TYW1B: variants seen among roughly 807,000 people sequenced by gnomAD.
The protein encoded by TYW1B is S-adenosyl-L-methionine-dependent tRNA 4-demethylwyosine synthase TYW1B.
In TYW1B, 73 loss-of-function variants were observed where a neutral mutation model predicts 86.9. That is an observed-to-expected ratio of 0.84 (90% CI 0.70 to 1.02). The LOEUF is 1.02. Among genes scored for constraint, TYW1B ranks in the 50% least tolerant of loss-of-function variants. The pLI is 0.00. For missense variants in TYW1B, 637 were observed against 827.4 expected (o/e 0.77, Z 2.82); for synonymous variants, 248 against 292.8 (o/e 0.85, Z 1.56).
At position 72,683,396 on chromosome 7, in the gene TYW1B, C is replaced by G. The variant is rs577797675; in HGVS notation, c.1506+11291G>C. 9.2e-5 allele frequency among the ~76,000 whole-genome samples: 14 copies of G among 152,200 alleles called. No homozygotes were observed. In the East Asian group the frequency reaches 2.7e-3, roughly 29 times the overall value. ...ACTAGCCTGCCCAACATGGTAAAAC[C>G]CCGTCTCTAGTAAAAATACAAAAAT... On this transcript the variant is annotated intron_variant, in intron 11 of 13. Coordinates refer to ENST00000620995, the MANE Select transcript of TYW1B (RefSeq NM_001145440.3).
intron 11 of TYW1B, among the ~76,000 whole-genome samples, chr7:72,675,380 CAG>C (rs1369651108): frequency 3.3e-5 from 5 of 151,802 alleles, no homozygotes; most frequent in Non-Finnish European, 7.4e-5. Flanking sequence ...GTCTGGGCAA[CAG>C]AGTGAAATTC....
At position 72,599,863 on chromosome 7, in the gene TYW1B, TA is replaced by T. The variant is rs555729987; in HGVS notation, c.1785+16808del. On this transcript the variant is annotated intron_variant, in intron 13 of 13. Coordinates refer to ENST00000620995, the MANE Select transcript of TYW1B (RefSeq NM_001145440.3). ...ATATATGTAGAAAACAAAGTCTGATTAAAAAAAAATCAGGCATATTTCAGTA... is the reference window on the plus strand; with the variant it reads ...ATATATGTAGAAAACAAAGTCTGATTAAAAAAAATCAGGCATATTTCAGTA... Among the ~76,000 whole-genome samples the T allele has an allele frequency of 5.9e-3, 897 of 151,608 alleles. 11 individuals carry two copies. Among genetic ancestry groups the T allele is most frequent in the African/African-American group, 0.02 (842 of 41,394 alleles).
rs1318635585 is a variant in TYW1B, at chr7:72,574,990, G to C, written c.*508C>G. ...AATAATTGAGAGTTGTGACAACTTC[G>C]ATTCTTTTCAGGAGGTGCTGTCTTA... On this transcript the variant is annotated 3_prime_UTR_variant, in exon 14 of 14. Transcript: ENST00000620995. 1 of 987,722 alleles carries C rather than the reference G, an allele frequency of 1.0e-6. No individual in the cohort carries two copies. The highest frequency in any genetic ancestry group is 1.2e-6 in the Non-Finnish European group (1 of 831,492). The allele number at this position is 987,722 out of a possible 1,614,324, so 61.2% of individuals were successfully genotyped here. A position where few individuals can be genotyped will look rare whatever the true frequency, so the allele number is the denominator to read the frequency against.
chr7:72,610,266 C>T (rs1554435682), intron 13 of TYW1B, among the ~76,000 whole-genome samples: 3 of 152,202 alleles, frequency 2.0e-5, no homozygotes, highest in Non-Finnish European at 1.5e-5. Context: ...ATCTGTCTCA[C>T]TCTGGGCATT....
intron 8 of TYW1B, among the ~76,000 whole-genome samples, chr7:72,730,035 C>T (rs1237047526): frequency 1.3e-5 from 2 of 152,122 alleles, no homozygotes; most frequent in African/African-American, 2.4e-5. Flanking sequence ...GAGGACAAGT[C>T]AAAGCACCCC....
At chr7:72,766,549 G>C (rs1787772593) in intron 7 of TYW1B, among the ~76,000 whole-genome samples, 1 of 147,188 alleles carries the variant, frequency 6.8e-6, no homozygotes, top group African/African-American at 2.5e-5. Context: ...AGAAGGCAGA[G>C]GTTGCCGTGA....
At chr7:72,656,657 GAAGAA>G (rs1284004616) in intron 11 of TYW1B, among the ~76,000 whole-genome samples, 5 of 152,050 alleles carry the variant, frequency 3.3e-5, no homozygotes, top group African/African-American at 9.7e-5. Flanking sequence ...GGTAATTTAT[GAAGAA>G]AAGAGGTTTA....
chr7:72,702,986 C>CTA (rs371144509), intron 10 of TYW1B, among the ~76,000 whole-genome samples: 142 of 36,258 alleles, frequency 3.9e-3, no homozygotes, highest in South Asian at 0.011. Context: ...ATCTATCTAT[C>CTA]TATATATATA....
At chr7:72,705,094 T>G (rs1585916704) in intron 10 of TYW1B, among the ~76,000 whole-genome samples, 1 of 152,190 alleles carries the variant, frequency 6.6e-6, no homozygotes, top group African/African-American at 2.4e-5. Context: ...TCAGGCAGTA[T>G]TTACCTCTAT....
intron 11 of TYW1B, among the ~76,000 whole-genome samples, chr7:72,680,142 A>C (rs1202394831): frequency 2.6e-5 from 4 of 152,166 alleles, no homozygotes; most frequent in African/African-American, 7.2e-5. Flanking sequence ...GTTAACACTG[A>C]GTGTCAACTT....
chr7:72,630,036 T>TG (rs1447445061), intron 11 of TYW1B, among the ~76,000 whole-genome samples: 2 of 152,108 alleles, frequency 1.3e-5, no homozygotes, highest in African/African-American at 4.8e-5. Flanking sequence ...CCCAGCACTT[T>TG]GGGAGGCCGA....
intron 10 of TYW1B, among the ~76,000 whole-genome samples, chr7:72,701,065 GAAA>G (rs1172098261): frequency 7.4e-6 from 1 of 135,444 alleles, no homozygotes. Flanking sequence ...TTCCATCTCA[GAAA>G]AAAAAAAAAA....
chr7:72,667,047 A>AAAAAAAAAT, intron 11 of TYW1B, among the ~76,000 whole-genome samples: 1 of 149,632 alleles, frequency 6.7e-6, no homozygotes, highest in Non-Finnish European at 1.5e-5. Context: ...AAAAAAAAAA[A>AAAAAAAAAT]AAAAGAAACT....
intron 10 of TYW1B, among the ~76,000 whole-genome samples, chr7:72,701,869 G>A (rs1554452637): frequency 6.6e-6 from 1 of 152,146 alleles, no homozygotes; most frequent in East Asian, 1.9e-4. Context: ...CTGTGTTTTT[G>A]TTAGGGAATG....
chr7:72,760,160 T>A (rs992469866), intron 7 of TYW1B, among the ~76,000 whole-genome samples: 2 of 152,246 alleles, frequency 1.3e-5, no homozygotes, highest in Admixed American at 1.3e-4. Context: ...AATCCAAGGC[T>A]ACCTGGAGAT....
chr7:72,640,355 G>C (rs1402372130), intron 11 of TYW1B, among the ~76,000 whole-genome samples: 1 of 152,042 alleles, frequency 6.6e-6, no homozygotes, highest in Non-Finnish European at 1.5e-5. Flanking sequence ...GATGGAAGCA[G>C]AGACACACGA....
chr7:72,589,882 T>TAAACAAAC (rs200883388), intron 13 of TYW1B, among the ~76,000 whole-genome samples: 23 of 151,968 alleles, frequency 1.5e-4, no homozygotes, highest in African/African-American at 5.5e-4. Context: ...GTCTCAAAAA[T>TAAACAAAC]AAACAAACAA....
chr7:72,700,155 C>CTTTTTTTTTTTTTTTTTTTTTTTT (rs587689485), intron 10 of TYW1B, among the ~76,000 whole-genome samples: 1 of 74,208 alleles, frequency 1.3e-5, no homozygotes, highest in Non-Finnish European at 2.2e-5. Flanking sequence ...AGCTTTTACA[C>CTTTTTTTTTTTTTTTTTTTTTTTT]TTTTTTTTTT....
At chr7:72,694,874 G>A in intron 10 of TYW1B, 52 bp from the exon 11 acceptor site, 14 of 1,568,906 alleles carry the variant, frequency 8.9e-6, no homozygotes, top group Non-Finnish European at 1.0e-5. Flanking sequence ...CCTCTATCAG[G>A]CTTTCCATGA....
Sources: allele counts gnomAD v4.1 joint callset (sites outside exome capture counted in the v4.1 genomes callset), GRCh38; gene constraint gnomAD v4.1.1; transcripts MANE v1.5; gene names NCBI Gene and HGNC (gene_info 2026-07-23, HGNC 2026-07-21).